Variants in TMCO6 observed in about 807,000 individuals in gnomAD.
The protein encoded by TMCO6 is transmembrane and coiled-coil domain-containing protein 6.
A neutral mutation model predicts 61.8 loss-of-function variants in TMCO6; 47 were observed. The ratio of observed to expected loss-of-function variants is 0.76; its 90% confidence interval spans 0.60 to 0.97. The LOEUF (loss-of-function observed/expected upper bound fraction) is 0.97. Among genes scored for constraint, TMCO6 ranks in the 50% least tolerant of loss-of-function variants. The pLI is 0.00. For synonymous variants in TMCO6, 261 were observed against 254.2 expected (o/e 1.03, Z -0.25); for missense variants, 557 against 601.6 (o/e 0.93, Z 0.78).
the TMCO6 span, chr5:140,633,830 C>T: frequency 7.2e-6 from 1 of 138,048 alleles, no homozygotes; most frequent in African/African-American, 2.8e-5. Context: ...TGCTCTGTTG[C>T]TCAGGCTGGA....
chr5:140,632,247 G>C, the TMCO6 span: 1 of 1,613,534 alleles, frequency 6.2e-7, no homozygotes, highest in Non-Finnish European at 8.5e-7. The surrounding 1 kb of genome is among the most constrained non-coding windows in gnomAD (Gnocchi z 6.2). Context: ...CACACCTGCC[G>C]CCGCCAGTGC....
the TMCO6 span, among the ~76,000 whole-genome samples, chr5:140,602,871 A>T: frequency 6.6e-6 from 1 of 152,158 alleles, no homozygotes; most frequent in African/African-American, 2.4e-5. Context: ...GCACTTTGGG[A>T]GGCCAAGGTG....
At chr5:140,615,947 A>G in the TMCO6 span, among the ~76,000 whole-genome samples, 1 of 152,192 alleles carries the variant, frequency 6.6e-6, no homozygotes, top group Non-Finnish European at 1.5e-5. Flanking sequence ...CCTGGCCAAC[A>G]TGGCGAAACC....
At chr5:140,630,889 C>G in the TMCO6 span, among the ~76,000 whole-genome samples, 2 of 152,186 alleles carry the variant, frequency 1.3e-5, no homozygotes, top group South Asian at 4.1e-4. Context: ...CCCTGTGAGG[C>G]AGGCATCTAG....
intron 7 of TMCO6, 173 bp downstream of exon 7, chr5:140,643,214 A>G (rs1220796286): frequency 1.3e-5 from 11 of 877,690 alleles, no homozygotes; most frequent in Non-Finnish European, 1.7e-5. Context: ...TTTTTTTTTG[A>G]GACAGTCTCA....
downstream of TMCO6, chr5:140,647,497 G>A (rs779189461): frequency 6.2e-7 from 1 of 1,612,382 alleles, no homozygotes; most frequent in South Asian, 1.1e-5. Flanking sequence ...CGCCCTGGCT[G>A]CCGGGCGAGC....
At chr5:140,597,456 G>T in the TMCO6 span, among the ~76,000 whole-genome samples, 26 of 152,282 alleles carry the variant, frequency 1.7e-4, no homozygotes, top group African/African-American at 6.3e-4. Context: ...AGCAGGTGTG[G>T]TCTCAGCAAA....
At chr5:140,635,211 GGCCATGCCCTGGT>G (rs1756740811), upstream of TMCO6, among the ~76,000 whole-genome samples, 1 of 152,214 alleles carries the variant, frequency 6.6e-6, no homozygotes, top group African/African-American at 2.4e-5. Context: ...CAATGCACTG[GGCCATGCCCTGGT>G]GCCATGCCAG....
chr5:140,624,472 A>G, the TMCO6 span, among the ~76,000 whole-genome samples: 3 of 152,204 alleles, frequency 2.0e-5, no homozygotes, highest in Non-Finnish European at 4.4e-5. Context: ...GAACATTTTT[A>G]TCACCCCAAA....
At chr5:140,605,556 T>G in the TMCO6 span, among the ~76,000 whole-genome samples, 1 of 152,034 alleles carries the variant, frequency 6.6e-6, no homozygotes, top group Non-Finnish European at 1.5e-5. Context: ...GGTGGGTGCC[T>G]GTAATCCCAG....
the TMCO6 span, among the ~76,000 whole-genome samples, chr5:140,624,446 C>T: frequency 6.6e-6 from 1 of 152,084 alleles, no homozygotes; most frequent in Non-Finnish European, 1.5e-5. Context: ...GTAACTATAA[C>T]CGCGCTTTAA....
the TMCO6 span, among the ~76,000 whole-genome samples, chr5:140,612,426 G>A: frequency 7.2e-6 from 1 of 138,408 alleles, no homozygotes; most frequent in African/African-American, 2.8e-5. Context: ...TGCAAGCTCC[G>A]CCTCCCGGGT....
intron 4 of TMCO6, 100 bp downstream of exon 4, chr5:140,642,153 GC>G: frequency 6.7e-7 from 1 of 1,483,770 alleles, no homozygotes; most frequent in Non-Finnish European, 9.2e-7. Flanking sequence ...AAACATGTTT[GC>G]CCTTATGCCT....
At chr5:140,612,485 G>A in the TMCO6 span, among the ~76,000 whole-genome samples, 3 of 151,820 alleles carry the variant, frequency 2.0e-5, no homozygotes. Context: ...GACTATAGGC[G>A]CCCGCCACGG....
chr5:140,639,680 G>A, intron 1 of TMCO6, 59 bp from the exon 2 acceptor site: 3 of 1,547,460 alleles, frequency 1.9e-6, no homozygotes, highest in Non-Finnish European at 2.6e-6. Flanking sequence ...CAGGCTCGGA[G>A]CCGCGGGTTC....
At chr5:140,639,140 G>A (rs1305883580), upstream of TMCO6, 1 of 192,170 alleles carries the variant, frequency 5.2e-6, no homozygotes, top group African/African-American at 2.4e-5. Context: ...CCGCAGTTCG[G>A]GATTGTTTTG....
upstream of TMCO6, chr5:140,639,234 T>C: frequency 5.5e-6 from 2 of 366,488 alleles, no homozygotes; most frequent in South Asian, 5.0e-5. Context: ...TCACTCGAGG[T>C]CAGGGATGAG....
chr5:140,627,392 A>G, the TMCO6 span, among the ~76,000 whole-genome samples: 1 of 152,186 alleles, frequency 6.6e-6, no homozygotes, highest in South Asian at 2.1e-4. Flanking sequence ...GGTAAGTTGA[A>G]CAATGATCAT....
upstream of TMCO6, chr5:140,639,277 A>T (rs1756863314): frequency 4.1e-6 from 2 of 482,108 alleles, no homozygotes; most frequent in South Asian, 4.5e-5. Context: ...TAAGACAGGA[A>T]ATCAATCAGA....
Sources: allele counts gnomAD v4.1 joint callset (sites outside exome capture counted in the v4.1 genomes callset), GRCh38; gene constraint gnomAD v4.1.1; non-coding constraint Gnocchi (gnomAD v3.1); transcripts MANE v1.5; gene names NCBI Gene and HGNC (gene_info 2026-07-23, HGNC 2026-07-21).